Variants in MCCC1 observed in about 807,000 individuals in gnomAD.
MCCC1 encodes methylcrotonyl-CoA carboxylase subunit 1.
Under a neutral mutation model 83.8 loss-of-function variants are expected in MCCC1, and 64 were observed. The ratio of observed to expected loss-of-function variants is 0.76; its 90% CI spans 0.62 to 0.94. MCCC1 has a LOEUF of 0.94. MCCC1 is among the 40% of genes least tolerant of loss of function. The pLI is 0.00. For missense variants in MCCC1, 807 were observed against 904.7 expected (o/e 0.89, Z 1.39); for synonymous variants, 322 against 315.4 (o/e 1.02, Z -0.22).
chr3:183,103,844 G>T (rs912894643), upstream of MCCC1, among the ~76,000 whole-genome samples: 1 of 152,174 alleles, frequency 6.6e-6, no homozygotes, highest in Admixed American at 6.5e-5. Context: ...CCCACGGAGC[G>T]GGGGGAGGCT....
chr3:183,057,296 T>C lies in MCCC1; in HGVS notation c.873+15A>G. 2 of 1,571,068 alleles carry C rather than the reference T, an allele frequency of 1.3e-6. No individual in the cohort carries two copies. Among genetic ancestry groups the C allele is most frequent in the Non-Finnish European group, 1.7e-6 (2 of 1,150,202 alleles). On this transcript the variant is annotated intron_variant, in intron 8 of 18. Transcript: ENST00000265594. The stretch of plus-strand genomic sequence containing the variant: ...ATTACGGAGAAGCTTACAAATTTCT[T>C]TCCAAGGTCCTTACCGCTGGGGCCT...
intron 1 of MCCC1, chr3:183,098,374 C>T: frequency 6.6e-6 from 1 of 152,220 alleles, no homozygotes; most frequent in East Asian, 1.9e-4. Flanking sequence ...ATCTTATGTA[C>T]CAGATTGTGC....
At chr3:183,093,604 TAA>T (rs1718522663) in intron 2 of MCCC1, among the ~76,000 whole-genome samples, 1 of 152,106 alleles carries the variant, frequency 6.6e-6, no homozygotes. Flanking sequence ...CAGTTCATAA[TAA>T]AGTTATTTCT....
intron 9 of MCCC1, among the ~76,000 whole-genome samples, chr3:183,047,673 A>C (rs1482531123): frequency 1.3e-5 from 2 of 152,142 alleles, no homozygotes; most frequent in Non-Finnish European, 2.9e-5. Flanking sequence ...GAAAAAAAAA[A>C]AACCATAACC....
At chr3:183,042,126 TA>T (rs549248178) in intron 10 of MCCC1, among the ~76,000 whole-genome samples, 1 of 152,158 alleles carries the variant, frequency 6.6e-6, no homozygotes, top group African/African-American at 2.4e-5. Flanking sequence ...CAATTTTTTT[TA>T]AAAAATAGTA....
At chr3:183,081,592 A>G (rs1417388997) in intron 4 of MCCC1, among the ~76,000 whole-genome samples, 1 of 152,216 alleles carries the variant, frequency 6.6e-6, no homozygotes, top group African/African-American at 2.4e-5. Context: ...TACCAAGTGT[A>G]AGGTACATAG....
chr3:183,106,081 T>TA (rs563718218), intron 1 of MCCC1, among the ~76,000 whole-genome samples: 76 of 101,058 alleles, frequency 7.5e-4, no homozygotes, highest in Middle Eastern at 4.9e-3. Context: ...AGAGAGTCCG[T>TA]AAAAAAAAAA....
At chr3:183,092,356 T>A (rs3732604) in intron 3 of MCCC1, 53 bp downstream of exon 3, 79 of 1,611,192 alleles carry the variant, frequency 4.9e-5, no homozygotes, top group South Asian at 8.8e-5. Context: ...ACGAAAATAC[T>A]GACACAGTAA....
chr3:183,096,836 T>C (rs756817047), intron 1 of MCCC1, among the ~76,000 whole-genome samples: 1 of 152,246 alleles, frequency 6.6e-6, no homozygotes, highest in Non-Finnish European at 1.5e-5. Flanking sequence ...TTCTAGCTCA[T>C]AGCATCGTCT....
intron 13 of MCCC1, among the ~76,000 whole-genome samples, chr3:183,034,569 A>G (rs1713401006): frequency 6.6e-6 from 1 of 151,788 alleles, no homozygotes; most frequent in Admixed American, 6.6e-5. Context: ...ATGAAATTTC[A>G]TGTGAAAAAT....
intron 8 of MCCC1, among the ~76,000 whole-genome samples, chr3:183,052,809 C>CAAA (rs71185624): frequency 1.4e-4 from 9 of 66,616 alleles, no homozygotes; most frequent in East Asian, 4.5e-4. Context: ...GACTTTGTCT[C>CAAA]AAAAAAAAAA....
intron 4 of MCCC1, among the ~76,000 whole-genome samples, chr3:183,085,237 C>T (rs140763579): frequency 1.3e-5 from 2 of 152,084 alleles, no homozygotes; most frequent in Non-Finnish European, 2.9e-5. Context: ...CCTTTGCCCC[C>T]ACTTCAATCA....
At position 183,092,526 on chromosome 3, in the gene MCCC1, G is replaced by T. The variant is rs398124353; in HGVS notation, c.156C>A (p.Val52=). ...TTATGRNITK[V]LIANRGEIAC... ...CAATTTCTCCTCTGTTTGCAATGAG[G>T]ACCTTGGTAATGTTTCTTCCTGTTT... Residue 52 remains valine, a synonymous_variant, in exon 3 of 19, where the codon GTC becomes GTA. Transcript: ENST00000265594. The T allele has an allele frequency of 6.2e-7, 1 of 1,614,154 alleles. No individual in the cohort carries two copies. The highest frequency in any genetic ancestry group is 8.5e-7 in the Non-Finnish European group (1 of 1,180,028).
chr3:183,075,456 T>C (rs1373580312), intron 4 of MCCC1, among the ~76,000 whole-genome samples: 1 of 152,228 alleles, frequency 6.6e-6, no homozygotes, highest in African/African-American at 2.4e-5. Flanking sequence ...TGCGTTTCTC[T>C]AATGATCAGT....
At chr3:183,020,339 T>TTA (rs1712049373) in intron 16 of MCCC1, 102 bp from the exon 17 acceptor site, 1 of 982,190 alleles carries the variant, frequency 1.0e-6, no homozygotes, top group South Asian at 1.4e-5. Flanking sequence ...TTGTTAAATA[T>TTA]TAGTCATCAT....
chr3:183,037,328 T>A lies in MCCC1; in HGVS notation c.1484A>T (p.Gln495Leu). 1 of 1,614,130 alleles carries A rather than the reference T, an allele frequency of 6.2e-7. No homozygotes were observed. Among genetic ancestry groups the A allele is most frequent in the South Asian group, 1.1e-5 (1 of 91,082 alleles). ...TGCAGCCTTCCGACTGAGCAACAAC[T>A]GTTTGTGGTGTTGAGGGATGAAATC... ...HTDFIPQHHK[Q>L]LLLSRKAAAK... The change falls in exon 13 of 19, where the codon CAG becomes CTG. Residue 495 changes from glutamine (Q) to leucine (L), a missense_variant. Coordinates refer to ENST00000265594, the MANE Select transcript of MCCC1 (RefSeq NM_020166.5).
chr3:183,044,656 C>A (rs1714390457), intron 10 of MCCC1, among the ~76,000 whole-genome samples: 3 of 152,070 alleles, frequency 2.0e-5, no homozygotes, highest in Admixed American at 2.0e-4. Flanking sequence ...TTAGGTAGAC[C>A]ATGAGGCTTT....
intron 4 of MCCC1, among the ~76,000 whole-genome samples, chr3:183,085,510 T>C (rs998010860): frequency 3.3e-5 from 5 of 151,472 alleles, no homozygotes; most frequent in African/African-American, 1.2e-4. Context: ...GCGCCTGTGG[T>C]CCCAGCTACC....
At chr3:183,099,532 A>AC (rs953172926), upstream of MCCC1, 101 of 1,477,472 alleles carry the variant, frequency 6.8e-5, no homozygotes, top group African/African-American at 1.3e-3. Flanking sequence ...AAGCCTCGTG[A>AC]CCCCCGCCGG....
Sources: allele counts gnomAD v4.1 joint callset (sites outside exome capture counted in the v4.1 genomes callset), GRCh38; gene constraint gnomAD v4.1.1; transcripts MANE v1.5; gene names NCBI Gene and HGNC (gene_info 2026-07-23, HGNC 2026-07-21).